The following LRRFIP2 variants were observed in gnomAD, a reference collection of about 807,000 sequenced individuals.
The protein encoded by LRRFIP2 is leucine-rich repeat flightless-interacting protein 2.
A neutral mutation model predicts 125.9 loss-of-function variants in LRRFIP2; 109 were observed. The observed-to-expected ratio is 0.87, with a 90% CI of 0.74 to 1.01. LRRFIP2 has a LOEUF of 1.01. Ranked by LOEUF, LRRFIP2 falls within the 50% of genes least tolerant of loss-of-function variation. LRRFIP2 has a pLI of 0.00. For missense variants in LRRFIP2, 850 were observed against 862.3 expected, an observed-to-expected ratio of 0.99 and a Z score of 0.18; for synonymous variants, 291 against 293.1, an observed-to-expected ratio of 0.99 and a Z score of 0.07.
At chr3:37,138,169 A>T (rs1231755397) in intron 2 of LRRFIP2, among the ~76,000 whole-genome samples, 1 of 152,238 alleles carries the variant, frequency 6.6e-6, no homozygotes, top group African/African-American at 2.4e-5. Flanking sequence ...GATTAGCTAT[A>T]TTCTGTGATG....
intron 6 of LRRFIP2, among the ~76,000 whole-genome samples, chr3:37,118,994 A>T (rs1376254361): frequency 6.6e-6 from 1 of 152,174 alleles, no homozygotes; most frequent in Non-Finnish European, 1.5e-5. Context: ...AAAACTTAGA[A>T]CTCACAATAT....
chr3:37,098,273 TG>T (rs2093826258), intron 15 of LRRFIP2, among the ~76,000 whole-genome samples: 1 of 150,978 alleles, frequency 6.6e-6, no homozygotes, highest in African/African-American at 2.5e-5. Context: ...TGACAGCGAT[TG>T]AAATGTTTTT....
intron 1 of LRRFIP2, among the ~76,000 whole-genome samples, chr3:37,161,422 A>G (rs1043734336): frequency 2.0e-5 from 3 of 152,208 alleles, no homozygotes; most frequent in Non-Finnish European, 4.4e-5. Flanking sequence ...TTGAATCATG[A>G]AAACATGAGA....
chr3:37,071,247 T>TCA lies in LRRFIP2; in HGVS notation c.1464+1541_1464+1542dup, dbSNP rs536770656. Among the ~76,000 whole-genome samples, 40 of 152,356 alleles carry TCA rather than the reference T, an allele frequency of 2.6e-4. No homozygotes were observed. The South Asian group carries it at 8.1e-3, about 31-fold the overall frequency. On this transcript the variant is annotated intron_variant, in intron 21 of 27. Transcript: ENST00000336686. Reference sequence around the variant, plus strand: ...TACAAACTTTTTTAAAGAAAGGGTATCACTCTATTGCTTAGGCTGGAGTGC... The same window carrying TCA: ...TACAAACTTTTTTAAAGAAAGGGTATCACACTCTATTGCTTAGGCTGGAGTGC...
chr3:37,079,295 T>G (rs1292896714), intron 19 of LRRFIP2, among the ~76,000 whole-genome samples: 1 of 152,162 alleles, frequency 6.6e-6, no homozygotes, highest in East Asian at 1.9e-4. Context: ...GGTGAGGATG[T>G]GGGGAAATCA....
chr3:37,110,914 TC>T lies in LRRFIP2; in HGVS notation c.513+76del, dbSNP rs2149431054. ...CCATTTACAGATTAGTTACAGCTAG[TC>T]AAAATGCAAAATGGGGAGATTAGAA... On this transcript the variant is annotated intron_variant, in intron 9 of 27. Transcript: ENST00000336686. The T allele has an allele frequency of 6.5e-6, 9 of 1,378,990 alleles. No individual in the cohort carries two copies. In the South Asian group the frequency reaches 1.1e-4, roughly 17 times the overall value. 85.4% of individuals were successfully genotyped at this position (1,378,990 alleles called of 1,614,324 possible).
intron 1 of LRRFIP2, among the ~76,000 whole-genome samples, chr3:37,163,323 C>G (rs1270969946): frequency 6.6e-6 from 1 of 152,184 alleles, no homozygotes; most frequent in South Asian, 2.1e-4. Flanking sequence ...TTGACCAAGG[C>G]GTTTTCCCTT....
chr3:37,139,422 C>G (rs1287645392), intron 2 of LRRFIP2, among the ~76,000 whole-genome samples: 1 of 152,216 alleles, frequency 6.6e-6, no homozygotes, highest in Non-Finnish European at 1.5e-5. Flanking sequence ...CTTATCAGTT[C>G]AGCACTTCTT....
intron 2 of LRRFIP2, among the ~76,000 whole-genome samples, chr3:37,138,697 T>C (rs1326881806): frequency 1.3e-5 from 2 of 152,214 alleles, no homozygotes. Context: ...CATCATAATA[T>C]ACTTATCACA....
chr3:37,056,643 C>T (rs368057740), intron 25 of LRRFIP2, among the ~76,000 whole-genome samples: 2 of 151,910 alleles, frequency 1.3e-5, no homozygotes, highest in South Asian at 2.1e-4. Context: ...TTAGTAGAGA[C>T]GGGGTTTCAC....
intron 2 of LRRFIP2, among the ~76,000 whole-genome samples, chr3:37,131,854 A>G (rs1388261263): frequency 6.6e-6 from 1 of 152,230 alleles, no homozygotes; most frequent in Non-Finnish European, 1.5e-5. Flanking sequence ...TGGCAAAGTC[A>G]CAGCAGGCTT....
rs183128468 is a variant in LRRFIP2, at chr3:37,055,552, G to A, written c.1871-387C>T. ...CTGCACTCCAGCCTGGCAACAGAGC[G>A]ATACTCCGTCCCCCTGCCAAAAAAA... On this transcript the variant is annotated intron_variant, in intron 25 of 27. Coordinates refer to ENST00000336686, the MANE Select transcript of LRRFIP2 (RefSeq NM_006309.4). 2.3e-3 allele frequency among the ~76,000 whole-genome samples: 356 copies of A among 152,140 alleles called. 1 individual carries two copies. Among genetic ancestry groups the A allele is most frequent in the Non-Finnish European group, 3.7e-3 (254 of 68,000 alleles).
At chr3:37,131,975 T>C (rs994805458) in intron 2 of LRRFIP2, among the ~76,000 whole-genome samples, 3 of 152,294 alleles carry the variant, frequency 2.0e-5, no homozygotes, top group Non-Finnish European at 4.4e-5. Flanking sequence ...GCAAAGTAAA[T>C]TGTAATCTAC....
chr3:37,114,958 A>G (rs2094712738), intron 7 of LRRFIP2, 96 bp downstream of exon 7: 3 of 996,372 alleles, frequency 3.0e-6, no homozygotes, highest in Admixed American at 3.9e-5. Flanking sequence ...AAAGTTCATA[A>G]CAAAGCCATG....
At chr3:37,074,259 C>T (rs1159839321) in intron 20 of LRRFIP2, among the ~76,000 whole-genome samples, 2 of 152,180 alleles carry the variant, frequency 1.3e-5, no homozygotes, top group African/African-American at 4.8e-5. Flanking sequence ...TGTGAGATCT[C>T]TCTCCTGGGA....
intron 1 of LRRFIP2, among the ~76,000 whole-genome samples, chr3:37,161,587 A>G (rs1030385692): frequency 2.0e-5 from 3 of 152,172 alleles, no homozygotes; most frequent in Admixed American, 6.5e-5. Context: ...CTGCTATGGT[A>G]TGAAGTTTCC....
At chr3:37,061,080 C>T (rs996679806) in intron 24 of LRRFIP2, among the ~76,000 whole-genome samples, 2 of 152,166 alleles carry the variant, frequency 1.3e-5, no homozygotes, top group African/African-American at 4.8e-5. Context: ...GTAGTTCACA[C>T]AAGATCTGGT....
intron 2 of LRRFIP2, among the ~76,000 whole-genome samples, chr3:37,132,946 G>A (rs1313630862): frequency 6.6e-6 from 1 of 152,174 alleles, no homozygotes; most frequent in Non-Finnish European, 1.5e-5. Context: ...AGTAAAGGCT[G>A]GGCGTGGTGG....
intron 4 of LRRFIP2, among the ~76,000 whole-genome samples, chr3:37,122,360 C>T (rs992722047): frequency 6.6e-6 from 1 of 151,782 alleles, no homozygotes; most frequent in African/African-American, 2.4e-5. Flanking sequence ...TTTTATCAGG[C>T]GTATGTATGT....
Sources: gnomAD v4.1 joint callset for allele counts (sites outside exome capture counted in the v4.1 genomes callset) on GRCh38, gnomAD v4.1.1 for gene constraint, MANE v1.5 for transcripts, NCBI Gene and HGNC (gene_info 2026-07-23, HGNC 2026-07-21) for gene names.